DLGAP2: variants seen among roughly 807,000 people sequenced by gnomAD.
DLGAP2 encodes the protein DLG associated protein 2.
DLGAP2 carries 26 observed loss-of-function variants against 100.3 expected under a neutral mutation model. The observed-to-expected ratio is 0.26, with a 90% CI of 0.19 to 0.36. DLGAP2 has a LOEUF of 0.36. Ranked by LOEUF, DLGAP2 falls within the 10% of genes least tolerant of loss-of-function variation. DLGAP2 has a pLI of 1.00. For synonymous variants in DLGAP2, 886 were observed against 630.1 expected, an observed-to-expected ratio of 1.41 and a Z score of -6.08; for missense variants, 1,858 against 1,453.2, an observed-to-expected ratio of 1.28 and a Z score of -4.53.
At chr8:1,057,667 T>C (rs1262900834) in intron 2 of DLGAP2, among the ~76,000 whole-genome samples, 20 of 152,224 alleles carry the variant, frequency 1.3e-4, no homozygotes. Flanking sequence ...AAACCTCCGG[T>C]GTAATTTTCT....
At chr8:1,154,318 C>G (rs1796743116) in intron 2 of DLGAP2, among the ~76,000 whole-genome samples, 1 of 152,164 alleles carries the variant, frequency 6.6e-6, no homozygotes. Context: ...GATCCCCCAG[C>G]ACAGCAGAAC....
In DLGAP2 at chr8:1,645,381, G is replaced by A. The variant is rs919796154; in HGVS notation, c.1810+12335G>A. Among the ~76,000 whole-genome samples the A allele has an allele frequency of 1.5e-4, 23 of 152,326 alleles. 1 individual carries two copies. The highest frequency in any genetic ancestry group is 1.3e-3 in the Admixed American group (20 of 15,310). On this transcript the variant is annotated intron_variant, in intron 8 of 14. Coordinates refer to ENST00000637795, the MANE Select transcript of DLGAP2 (RefSeq NM_001346810.2). ...AGTGAGACGATGTTGGCCAACTGCA[G>A]GCCAGTGTCAGTGTTATGAGCTTAT...
chr8:1,554,831 T>C, intron 5 of DLGAP2, among the ~76,000 whole-genome samples: 1 of 142,756 alleles, frequency 7.0e-6, no homozygotes, highest in East Asian at 2.3e-4. Context: ...AAGGCTGGCG[T>C]TGTGGCTTAT....
At position 1,468,666 on chromosome 8, in the gene DLGAP2, G is replaced by T. The variant is rs549726098; in HGVS notation, c.107-32700G>T. ...AGTGCATTCCTCGCTTTATTTACTG[G>T]GGCTGCCGTAAAACGTGACTCCAGC... On this transcript the variant is annotated intron_variant, in intron 3 of 14. Transcript: ENST00000637795. 4.8e-4 allele frequency among the ~76,000 whole-genome samples: 73 copies of T among 152,276 alleles called. 1 individual carries two copies. In the South Asian group the frequency reaches 0.011, roughly 23 times the overall value.
intron 2 of DLGAP2, among the ~76,000 whole-genome samples, chr8:1,256,445 T>C (rs1373162728): frequency 2.2e-5 from 3 of 136,604 alleles, no homozygotes; most frequent in Non-Finnish European, 4.6e-5. Context: ...TGTCCTCTCC[T>C]GCCCAGGTGC....
intron 3 of DLGAP2, among the ~76,000 whole-genome samples, chr8:1,408,746 A>T (rs1239600917): frequency 2.0e-5 from 3 of 152,138 alleles, no homozygotes; most frequent in Non-Finnish European, 4.4e-5. Flanking sequence ...AACCCGGGAA[A>T]GCCAGGTTTT....
chr8:816,858 T>C lies in DLGAP2; in HGVS notation c.18+79033T>C, dbSNP rs879410234. On this transcript the variant is annotated intron_variant, in intron 1 of 14. Transcript: ENST00000637795. ...TCTTCTTCTCTGGAAACAATTATTC[T>C]TAGGTTTGGACATTTAACACAGTCC... Among the ~76,000 whole-genome samples the C allele has an allele frequency of 6.6e-5, 10 of 152,356 alleles. No homozygotes were observed. The East Asian group carries it at 1.9e-3, about 29-fold the overall frequency.
At chr8:1,417,584 G>A (rs545343183) in intron 3 of DLGAP2, among the ~76,000 whole-genome samples, 9 of 102,996 alleles carry the variant, frequency 8.7e-5, no homozygotes, top group Non-Finnish European at 1.4e-4. Flanking sequence ...GAGAAAATGC[G>A]GACAGATAAA....
At chr8:1,055,811 A>G (rs1339451340) in intron 2 of DLGAP2, among the ~76,000 whole-genome samples, 1 of 152,210 alleles carries the variant, frequency 6.6e-6, no homozygotes, top group Non-Finnish European at 1.5e-5. Context: ...GGGGCACCTG[A>G]GTCAGGCTCA....
chr8:1,262,324 G>C (rs766188758), intron 3 of DLGAP2: 2 of 152,128 alleles, frequency 1.3e-5, no homozygotes, highest in Non-Finnish European at 2.9e-5. Flanking sequence ...TCTGTATTAC[G>C]AGGTTTTGAA....
intron 2 of DLGAP2, among the ~76,000 whole-genome samples, chr8:1,122,724 C>T (rs1796078854): frequency 6.6e-6 from 1 of 151,984 alleles, no homozygotes; most frequent in African/African-American, 2.4e-5. Context: ...CTCCCTCTTT[C>T]CCTCTCATTT....
chr8:755,462 G>A (rs2132580276), intron 1 of DLGAP2, among the ~76,000 whole-genome samples: 1 of 151,936 alleles, frequency 6.6e-6, no homozygotes, highest in South Asian at 2.1e-4. Flanking sequence ...GTCTCAAAAA[G>A]AAAAAAAATT....
At chr8:1,368,534 C>T (rs904478872) in intron 3 of DLGAP2, 9 of 152,070 alleles carry the variant, frequency 5.9e-5, no homozygotes, top group Admixed American at 2.0e-4. Context: ...ATAGAATATA[C>T]CATCAAGCCT....
At chr8:1,698,937 C>A (rs777716709) in intron 14 of DLGAP2, among the ~76,000 whole-genome samples, 1 of 143,648 alleles carries the variant, frequency 7.0e-6, no homozygotes, top group Non-Finnish European at 1.5e-5. Flanking sequence ...GGCAGGTCTG[C>A]ATAAGCCATG....
intron 2 of DLGAP2, among the ~76,000 whole-genome samples, chr8:960,252 T>TTTTTTTTTTTTTTTTTTTTTTTTTTTTC (rs369284313): frequency 7.0e-6 from 1 of 141,928 alleles, no homozygotes; most frequent in African/African-American, 2.8e-5. Flanking sequence ...TTTTTTTTTT[T>TTTTTTTTTTTTTTTTTTTTTTTTTTTTC]CCCGAGACAC....
At chr8:1,681,261 ATTTTCCATG>A (rs911777348) in intron 12 of DLGAP2, among the ~76,000 whole-genome samples, 1 of 152,016 alleles carries the variant, frequency 6.6e-6, no homozygotes, top group Non-Finnish European at 1.5e-5. Flanking sequence ...TCCTGTCATC[ATTTTCCATG>A]TTTAGTGCAT....
chr8:1,538,779 C>G (rs1434546020), intron 4 of DLGAP2, among the ~76,000 whole-genome samples: 2 of 152,176 alleles, frequency 1.3e-5, no homozygotes, highest in African/African-American at 4.8e-5. Flanking sequence ...ACTCAGAACT[C>G]CAGAGAGTCA....
At chr8:1,612,442 A>G (rs891654881) in intron 6 of DLGAP2, among the ~76,000 whole-genome samples, 2 of 140,694 alleles carry the variant, frequency 1.4e-5, no homozygotes, top group Non-Finnish European at 3.1e-5. Context: ...AAAACCCTAG[A>G]AGAAAACCTA....
chr8:797,157 C>G (rs1410810090), intron 1 of DLGAP2, among the ~76,000 whole-genome samples: 2 of 152,182 alleles, frequency 1.3e-5, no homozygotes, highest in Non-Finnish European at 2.9e-5. Context: ...CCTGTAGTCA[C>G]CACCCAAGAA....
Sources: allele counts gnomAD v4.1 joint callset (sites outside exome capture counted in the v4.1 genomes callset), GRCh38; gene constraint gnomAD v4.1.1; transcripts MANE v1.5; gene names NCBI Gene and HGNC (gene_info 2026-07-23, HGNC 2026-07-21).